The following DLG2 variants were observed in gnomAD, a reference collection of about 807,000 sequenced individuals.
DLG2 encodes the protein discs large MAGUK scaffold protein 2, also known as disks large homolog 2.
In DLG2, 45 loss-of-function variants were observed where a neutral mutation model predicts 132.5. That is an observed-to-expected ratio of 0.34 (90% confidence interval 0.27 to 0.44). The LOEUF is 0.44. Ranked by LOEUF, DLG2 falls within the 20% of genes least tolerant of loss-of-function variation. The pLI is 1.00. For synonymous variants in DLG2, 424 were observed against 419.6 expected, an observed-to-expected ratio of 1.01 and a Z score of -0.13; for missense variants, 1,045 against 1,196.9, an observed-to-expected ratio of 0.87 and a Z score of 1.87.
At chr11:84,810,876 C>T (rs564828833) in intron 6 of DLG2, among the ~76,000 whole-genome samples, 12 of 151,836 alleles carry the variant, frequency 7.9e-5, no homozygotes, top group South Asian at 4.2e-4. Context: ...TTTAAAGTGA[C>T]GATATTATAG....
chr11:84,436,515 G>A (rs547370954), intron 7 of DLG2, among the ~76,000 whole-genome samples: 24 of 152,268 alleles, frequency 1.6e-4, no homozygotes, highest in African/African-American at 5.5e-4. Flanking sequence ...AGAGGAATAT[G>A]AAAAATCTGT....
chr11:85,332,388 G>GCAAATATTTTCTCC (rs1391344437), intron 3 of DLG2, among the ~76,000 whole-genome samples: 2 of 152,102 alleles, frequency 1.3e-5, no homozygotes, highest in East Asian at 3.9e-4. Context: ...TGCACAGATT[G>GCAAATATTTTCTCC]CAAATATTTT....
rs1164394816 is a variant in DLG2, at chr11:85,209,445, C to CTTTTTTTTTT, written c.187-54804_187-54795dup. On this transcript the variant is annotated intron_variant, in intron 4 of 27. Transcript: ENST00000376104. ...AACTTATGGGCACAAAGAAATCAGT[C>CTTTTTTTTTT]TTTTTTTTTTTTTTTTTTTTTTGAG... Among the ~76,000 whole-genome samples the CTTTTTTTTTT allele has an allele frequency of 7.5e-4, 56 of 74,450 alleles. 6 individuals carry two copies. The highest frequency in any genetic ancestry group is 8.9e-4 in the Non-Finnish European group (38 of 42,538). 48.8% of individuals were successfully genotyped at this position (74,450 alleles called of 152,430 possible).
chr11:84,733,509 T>G (rs2063430308), intron 6 of DLG2, among the ~76,000 whole-genome samples: 1 of 152,212 alleles, frequency 6.6e-6, no homozygotes, highest in African/African-American at 2.4e-5. Flanking sequence ...GTAAATTTGT[T>G]TCATTTCTTT....
At chr11:84,844,119 GTGTGTGTGTGTGTGTGTATA>G (rs1488955523) in intron 6 of DLG2, among the ~76,000 whole-genome samples, 5 of 23,422 alleles carry the variant, frequency 2.1e-4, no homozygotes, top group African/African-American at 5.1e-4. Context: ...GTGTGTGTGT[GTGTGTGTGTGTGTGTGTATA>G]TATATATATA....
At chr11:83,642,141 T>C (rs2066751994) in intron 18 of DLG2, among the ~76,000 whole-genome samples, 1 of 152,178 alleles carries the variant, frequency 6.6e-6, no homozygotes, top group African/African-American at 2.4e-5. Flanking sequence ...AGGGCAAGGA[T>C]GTTATCATGT....
chr11:83,541,090 G>T (rs1203567338), intron 20 of DLG2, among the ~76,000 whole-genome samples: 12 of 152,060 alleles, frequency 7.9e-5, no homozygotes, highest in Admixed American at 7.9e-4. Context: ...GTGGCTATTG[G>T]AAGTTGTGAG....
chr11:84,711,517 T>A (rs1201970381), intron 6 of DLG2, among the ~76,000 whole-genome samples: 1 of 146,306 alleles, frequency 6.8e-6, no homozygotes, highest in Non-Finnish European at 1.5e-5. Flanking sequence ...CAACATGCAG[T>A]TCCAATTCTA....
chr11:83,622,847 T>C (rs1173901064), intron 19 of DLG2, among the ~76,000 whole-genome samples: 2 of 152,206 alleles, frequency 1.3e-5, no homozygotes, highest in Non-Finnish European at 2.9e-5. Context: ...TCTTATAATA[T>C]GTTCCATATG....
At chr11:83,960,800 G>A (rs933020588) in intron 14 of DLG2, among the ~76,000 whole-genome samples, 2 of 151,992 alleles carry the variant, frequency 1.3e-5, no homozygotes, top group South Asian at 2.1e-4. Flanking sequence ...CCATGGTAAC[G>A]CCTACAGTGT....
chr11:83,831,435 C>T (rs544003175), intron 17 of DLG2, among the ~76,000 whole-genome samples: 156 of 152,014 alleles, frequency 1.0e-3, no homozygotes, highest in African/African-American at 3.5e-3. Flanking sequence ...GTGACACATA[C>T]GACAAGGCTA....
chr11:84,170,204 C>T (rs946897129), intron 8 of DLG2, among the ~76,000 whole-genome samples: 1 of 152,194 alleles, frequency 6.6e-6, no homozygotes, highest in Non-Finnish European at 1.5e-5. Context: ...TGGGCAGCCC[C>T]TAACAACAGC....
intron 6 of DLG2, among the ~76,000 whole-genome samples, chr11:85,004,765 A>T (rs796256539): frequency 1.3e-5 from 2 of 152,160 alleles, no homozygotes; most frequent in African/African-American, 4.8e-5. Context: ...TTTTATTGCC[A>T]TTGCTTGTGG....
chr11:85,281,775 C>A (rs1325292283), intron 4 of DLG2, among the ~76,000 whole-genome samples: 3 of 151,986 alleles, frequency 2.0e-5, no homozygotes, highest in Non-Finnish European at 4.4e-5. Flanking sequence ...CAAATTAGTA[C>A]AACCACTATA....
chr11:84,927,754 A>C (rs2047570214), intron 6 of DLG2, among the ~76,000 whole-genome samples: 2 of 152,020 alleles, frequency 1.3e-5, no homozygotes, highest in Admixed American at 1.3e-4. Flanking sequence ...TAACCATTTA[A>C]AAATGTACAC....
intron 14 of DLG2, among the ~76,000 whole-genome samples, chr11:83,938,783 T>C (rs2154136936): frequency 6.6e-6 from 1 of 152,348 alleles, no homozygotes; most frequent in East Asian, 1.9e-4. Context: ...TTATTTAATC[T>C]ACTTTAGGTA....
chr11:85,174,332 C>T (rs538363916), intron 4 of DLG2, among the ~76,000 whole-genome samples: 30 of 152,250 alleles, frequency 2.0e-4, no homozygotes, highest in African/African-American at 5.8e-4. Flanking sequence ...TAAAACCACA[C>T]GACTACATGG....
At chr11:84,605,781 A>C (rs1031971534) in intron 6 of DLG2, among the ~76,000 whole-genome samples, 11 of 151,936 alleles carry the variant, frequency 7.2e-5, no homozygotes, top group African/African-American at 2.7e-4. Context: ...TCTGGTCTGA[A>C]ATTTCCTTAC....
intron 19 of DLG2, among the ~76,000 whole-genome samples, chr11:83,556,921 A>C (rs546760576): frequency 1.3e-5 from 2 of 152,344 alleles, no homozygotes; most frequent in Admixed American, 1.3e-4. Context: ...ACCCCTGGCC[A>C]GTGGTACTTC....
Sources: allele counts gnomAD v4.1 joint callset (sites outside exome capture counted in the v4.1 genomes callset), GRCh38; gene constraint gnomAD v4.1.1; transcripts MANE v1.5; gene names NCBI Gene and HGNC (gene_info 2026-07-23, HGNC 2026-07-21).